LRRC37A3: variants seen among roughly 807,000 people sequenced by gnomAD.
The protein encoded by LRRC37A3 is leucine rich repeat containing 37 member A3.
LRRC37A3 carries 25 observed loss-of-function variants against 106.2 expected under a neutral mutation model. That is an observed-to-expected ratio of 0.24 (90% CI 0.17 to 0.33). LRRC37A3 has a LOEUF of 0.33. Among genes scored for constraint, LRRC37A3 ranks in the 10% least tolerant of loss-of-function variants. LRRC37A3 has a pLI of 1.00. For missense variants in LRRC37A3, 712 were observed against 1,644.9 expected (o/e 0.43, Z 9.81); for synonymous variants, 305 against 635.8 (o/e 0.48, Z 7.83).
At chr17:64,909,634 C>A (rs1435849134) in intron 2 of LRRC37A3, 1 of 152,226 alleles carries the variant, frequency 6.6e-6, no homozygotes, top group East Asian at 1.9e-4. Flanking sequence ...AATGGATACT[C>A]CCCTTACCAA....
intron 10 of LRRC37A3, among the ~76,000 whole-genome samples, chr17:64,867,894 C>T (rs531472782): frequency 2.6e-5 from 4 of 151,966 alleles, no homozygotes; most frequent in East Asian, 1.9e-4. Context: ...GCCAACATGG[C>T]GAAACCTTGT....
chr17:64,904,447 C>G (rs1396910963), intron 2 of LRRC37A3, among the ~76,000 whole-genome samples: 1 of 151,556 alleles, frequency 6.6e-6, no homozygotes, highest in Non-Finnish European at 1.5e-5. Flanking sequence ...TGCACTCTAG[C>G]CTGGGCAACA....
chr17:64,901,264 A>C (rs1974302168), intron 2 of LRRC37A3: 1 of 151,416 alleles, frequency 6.6e-6, no homozygotes, highest in Non-Finnish European at 1.5e-5. Context: ...TAAGAAATAA[A>C]AAATGTGGAA....
At chr17:64,870,219 T>G (rs1000011529) in intron 8 of LRRC37A3, among the ~76,000 whole-genome samples, 3 of 151,878 alleles carry the variant, frequency 2.0e-5, no homozygotes, top group Non-Finnish European at 4.4e-5. Context: ...GCCTCCCAAG[T>G]AGCTGGGATT....
Position 64,897,611 on chromosome 17 carries a change from G to A in LRRC37A3, c.-354C>T, listed in dbSNP as rs1335525789. On this transcript the variant is annotated 5_prime_UTR_variant, in exon 4 of 15. Transcript: ENST00000584306. ...AGTTCTGGCAGCCTTCCTCCTTTAA[G>A]GTGAAATCCGAGAACACTCTTCCTT... 8.7e-7 allele frequency: 1 copy of A among 1,145,904 alleles called. No homozygotes were observed. Among genetic ancestry groups the A allele is most frequent in the Non-Finnish European group, 1.1e-6 (1 of 910,134 alleles). 71.0% of individuals were successfully genotyped at this position (1,145,904 alleles called of 1,614,324 possible). A position where few individuals can be genotyped will look rare whatever the true frequency, so the allele number is the denominator to read the frequency against.
Position 64,860,930 on chromosome 17 carries a change from C to G in LRRC37A3, c.3216G>C (p.Lys1072Asn), listed in dbSNP as rs749788942. The G allele has an allele frequency of 6.2e-7, 1 of 1,614,060 alleles. No homozygotes were observed. The highest frequency in any genetic ancestry group is 1.7e-5 in the Admixed American group (1 of 60,004). Reference sequence around the variant, plus strand: ...TGTAATTCTTCCGGGCTTGTAACACCTTCATGAACGCTCCTTCTGGATTCC... The same window carrying G: ...TGTAATTCTTCCGGGCTTGTAACACGTTCATGAACGCTCCTTCTGGATTCC... Reference protein sequence around the residue: ...SVGNPEGAFMKVLQARKNYTS... With the variant: ...SVGNPEGAFMNVLQARKNYTS... The change falls in exon 12 of 15, where the codon AAG becomes AAC. Residue 1072 changes from lysine to asparagine, a missense_variant. Coordinates refer to ENST00000584306, the MANE Select transcript of LRRC37A3 (RefSeq NM_199340.5).
chr17:64,854,650 A>G lies in LRRC37A3; in HGVS notation c.4860-6T>C. 1 of 1,613,440 alleles carries G rather than the reference A, an allele frequency of 6.2e-7. No homozygotes were observed. Among genetic ancestry groups the G allele is most frequent in the South Asian group, 1.1e-5 (1 of 91,048 alleles). ...CCGTTGGGGCTTCGCTGTCCCTGGG[A>G]TAAGAATAACAATGCCAAGGTTTTG... On this transcript the variant is annotated splice_region_variant and splice_polypyrimidine_tract_variant and intron_variant, in intron 14 of 14. Coordinates refer to ENST00000584306, the MANE Select transcript of LRRC37A3 (RefSeq NM_199340.5).
chr17:64,879,891 C>T (rs1973639202), intron 8 of LRRC37A3, among the ~76,000 whole-genome samples: 1 of 151,992 alleles, frequency 6.6e-6, no homozygotes. Context: ...AAAGTGAGAC[C>T]CTGTTTCTAT....
intron 8 of LRRC37A3, among the ~76,000 whole-genome samples, chr17:64,870,495 T>C (rs916928939): frequency 2.5e-4 from 38 of 152,028 alleles, no homozygotes; most frequent in Non-Finnish European, 4.9e-4. Context: ...GAATCATCTT[T>C]GTACTTAGGC....
Position 64,897,344 on chromosome 17 carries a change from T to C in LRRC37A3, c.-87A>G. 1 of 1,597,812 alleles carries C rather than the reference T, an allele frequency of 6.3e-7. No individual in the cohort carries two copies. The highest frequency in any genetic ancestry group is 8.5e-7 in the Non-Finnish European group (1 of 1,176,840). On this transcript the variant is annotated 5_prime_UTR_variant, in exon 4 of 15. Coordinates refer to ENST00000584306, the MANE Select transcript of LRRC37A3 (RefSeq NM_199340.5). ...ACCTTTATTTATGCCACAGATCTGC[T>C]CCATGTCACCAGGGCACTCTTATGT...
chr17:64,880,628 G>A (rs1973667767), intron 8 of LRRC37A3, among the ~76,000 whole-genome samples: 1 of 152,164 alleles, frequency 6.6e-6, no homozygotes, highest in African/African-American at 2.4e-5. Flanking sequence ...AAAAGTTTAA[G>A]AAGTACTGCT....
At chr17:64,903,037 A>G (rs1974356578) in intron 2 of LRRC37A3, among the ~76,000 whole-genome samples, 1 of 148,778 alleles carries the variant, frequency 6.7e-6, no homozygotes, top group Non-Finnish European at 1.5e-5. Context: ...CCTCCTATGC[A>G]TCAAGGGCTG....
chr17:64,863,394 G>A (rs948236032), intron 10 of LRRC37A3: 1 of 241,978 alleles, frequency 4.1e-6, no homozygotes, highest in African/African-American at 2.3e-5. Flanking sequence ...CTCAATTCCT[G>A]TTGGGAGTGG....
rs755452791 is a variant in LRRC37A3 at position 64,860,380 on chromosome 17, G to A, written c.3766C>T (p.Pro1256Ser). The A allele has an allele frequency of 6.2e-7, 1 of 1,613,952 alleles. No homozygotes were observed. The highest frequency in any genetic ancestry group is 1.7e-5 in the Admixed American group (1 of 60,018). The change falls in exon 12 of 15, where the codon CCT becomes TCT. Residue 1256 changes from proline (P) to serine (S), a missense_variant. Pro to Ser is a moderately conservative substitution (Grantham distance 74, BLOSUM62 -1). Transcript: ENST00000584306. Reference protein sequence around the residue: ...SVLKPFSKGAPSTSSPAKALP... With the variant: ...SVLKPFSKGASSTSSPAKALP... ...GCTTTTGCAGGGCTGGAGGTAGAAG[G>A]CGCGCCCTTGGAGAAGGGTTTCAGC... is the stretch of plus-strand genomic sequence containing the variant.
intron 8 of LRRC37A3, among the ~76,000 whole-genome samples, chr17:64,881,698 T>G (rs1481816920): frequency 6.7e-6 from 1 of 149,804 alleles, no homozygotes; most frequent in Non-Finnish European, 1.5e-5. Flanking sequence ...ACTTGAGTAA[T>G]GAACATGAGC....
chr17:64,880,657 T>C (rs1276213374), intron 8 of LRRC37A3, among the ~76,000 whole-genome samples: 1 of 152,198 alleles, frequency 6.6e-6, no homozygotes, highest in African/African-American at 2.4e-5. Flanking sequence ...TTTTATTAAA[T>C]ATGCCTTATT....
At chr17:64,870,154 A>T (rs1973265855) in intron 8 of LRRC37A3, among the ~76,000 whole-genome samples, 1 of 144,164 alleles carries the variant, frequency 6.9e-6, no homozygotes, top group African/African-American at 2.6e-5. Flanking sequence ...GCAGTGGCGC[A>T]ATCTTGGCTC....
In LRRC37A3 at chr17:64,858,853, T is replaced by G. The variant is rs1446733502; in HGVS notation, c.4735A>C (p.Thr1579Pro). 2 of 1,613,176 alleles carry G rather than the reference T, an allele frequency of 1.2e-6. No homozygotes were observed. Among genetic ancestry groups the G allele is most frequent in the Admixed American group, 3.3e-5 (2 of 59,944 alleles). ...ATTAACGCCAAGATGAGTTTTTTGG[T>G]ATAGCCATATCCTGGAAGTTCTTTT... is the stretch of plus-strand genomic sequence containing the variant. The part of the protein sequence containing the change: ...FTKELPGYGY[T>P]KKLILALIVT... Residue 1579 changes from threonine to proline, a missense_variant, in exon 13 of 15, where the codon ACC becomes CCC. Coordinates refer to ENST00000584306, the MANE Select transcript of LRRC37A3 (RefSeq NM_199340.5).
At chr17:64,864,864 A>G (rs1973003492) in intron 10 of LRRC37A3, among the ~76,000 whole-genome samples, 1 of 152,122 alleles carries the variant, frequency 6.6e-6, no homozygotes, top group Non-Finnish European at 1.5e-5. Context: ...AGTCCTCCAA[A>G]AGGATGGCTT....
Sources: allele counts gnomAD v4.1 joint callset (sites outside exome capture counted in the v4.1 genomes callset), GRCh38; gene constraint gnomAD v4.1.1; transcripts MANE v1.5; gene names NCBI Gene and HGNC (gene_info 2026-07-23, HGNC 2026-07-21).